SCN11A: variants seen among roughly 807,000 people sequenced by gnomAD.
The protein encoded by SCN11A is sodium voltage-gated channel alpha subunit 11.
SCN11A carries 122 observed loss-of-function variants against 162.2 expected under a neutral mutation model. The ratio of observed to expected loss-of-function variants is 0.75; its 90% CI spans 0.65 to 0.87. SCN11A has a LOEUF of 0.87. Among genes scored for constraint, SCN11A ranks in the 40% least tolerant of loss-of-function variants. The probability of loss-of-function intolerance (pLI) is 0.00; values close to 1 mark genes in which losing one functional copy is unlikely to be tolerated. For missense variants in SCN11A, 2,015 were observed against 2,181.6 expected (o/e 0.92, Z 1.52); for synonymous variants, 758 against 751.5 (o/e 1.01, Z -0.14).
chr3:38,904,306 G>A (rs746121132), intron 15 of SCN11A, among the ~76,000 whole-genome samples: 4 of 152,114 alleles, frequency 2.6e-5, no homozygotes, highest in Non-Finnish European at 5.9e-5. Context: ...ACTAGCATGC[G>A]GTACAGTCAA....
Position 38,886,233 on chromosome 3 carries a change from A to G in SCN11A, c.2841T>C (p.Tyr947=). The part of the protein sequence containing the change: ...ITQPEPEQQA[Y]ELHQENKKPT... ...GCTTCTTGTTCTCCTGATGGAGCTC[A>G]TAGGCCTAACACAGAGAGCCCAGAA... is the stretch of plus-strand genomic sequence containing the variant. The change falls in exon 20 of 30, where the codon TAT becomes TAC. Residue 947 remains tyrosine (Y), a synonymous_variant. Coordinates refer to ENST00000302328, the MANE Select transcript of SCN11A (RefSeq NM_001349253.2). 2 of 1,607,742 alleles carry G rather than the reference A, an allele frequency of 1.2e-6. No individual in the cohort carries two copies. Among genetic ancestry groups the G allele is most frequent in the Non-Finnish European group, 1.7e-6 (2 of 1,175,430 alleles).
chr3:38,912,214 A>G (rs752445837), intron 11 of SCN11A, among the ~76,000 whole-genome samples: 1 of 152,138 alleles, frequency 6.6e-6, no homozygotes, highest in African/African-American at 2.4e-5. Flanking sequence ...CTTGGTCACC[A>G]TTCAAAATAT....
intron 2 of SCN11A, among the ~76,000 whole-genome samples, chr3:38,991,135 A>C (rs1011541625): frequency 2.0e-5 from 3 of 152,184 alleles, no homozygotes; most frequent in Non-Finnish European, 2.9e-5. Flanking sequence ...AGTATTTTAT[A>C]CTTTCTAAAA....
At chr3:38,931,651 C>A (rs765364670) in intron 7 of SCN11A, among the ~76,000 whole-genome samples, 14 of 152,204 alleles carry the variant, frequency 9.2e-5, no homozygotes, top group Non-Finnish European at 1.6e-4. Context: ...AGCATCCAAC[C>A]TTGTTCACAT....
At chr3:38,985,578 G>A (rs575797344) in intron 2 of SCN11A, among the ~76,000 whole-genome samples, 1 of 151,104 alleles carries the variant, frequency 6.6e-6, no homozygotes, top group African/African-American at 2.5e-5. Flanking sequence ...ATAGATTTGT[G>A]AAACCATTTC....
At chr3:38,933,222 G>A (rs2066273783) in intron 7 of SCN11A, among the ~76,000 whole-genome samples, 2 of 152,262 alleles carry the variant, frequency 1.3e-5, no homozygotes, top group Non-Finnish European at 1.5e-5. Flanking sequence ...AAACCCATCT[G>A]TACATCACCA....
intron 2 of SCN11A, among the ~76,000 whole-genome samples, chr3:38,985,128 CTTT>C (rs1161269109): frequency 5.5e-5 from 7 of 126,308 alleles, no homozygotes; most frequent in Admixed American, 7.7e-5. Flanking sequence ...GGCTGGCTGT[CTTT>C]TTTTTTTTTT....
rs1559515759 is a variant in SCN11A, at chr3:38,897,024, T to C, written c.2224A>G (p.Thr742Ala). 1.2e-6 allele frequency: 2 copies of C among 1,614,114 alleles called. No homozygotes were observed. The highest frequency in any genetic ancestry group is 1.7e-6 in the Non-Finnish European group (2 of 1,180,012). Residue 742 changes from threonine (T) to alanine (A), a missense_variant, in exon 18 of 30, where the codon ACA becomes GCA. Thr to Ala is a moderately conservative substitution (Grantham distance 58). Coordinates refer to ENST00000302328, the MANE Select transcript of SCN11A (RefSeq NM_001349253.2). Reference sequence around the variant, plus strand: ...TGCCAGTGCCGTAAACATGAGACTGTCGGGCCTGTCGGGTTACAGAGTTTT... The same window carrying C: ...TGCCAGTGCCGTAAACATGAGACTGCCGGGCCTGTCGGGTTACAGAGTTTT... ...SPKLCNPTGPTVSCLRHWHMG... is the reference protein window; with the variant it reads ...SPKLCNPTGPAVSCLRHWHMG...
chr3:38,911,805 C>T (rs1470424618), intron 11 of SCN11A, among the ~76,000 whole-genome samples: 2 of 152,058 alleles, frequency 1.3e-5, no homozygotes, highest in African/African-American at 4.8e-5. Context: ...TCACAACAAG[C>T]TGCTTTTTGT....
At chr3:39,006,049 C>T (rs931685248) in intron 2 of SCN11A, among the ~76,000 whole-genome samples, 7 of 152,244 alleles carry the variant, frequency 4.6e-5, no homozygotes, top group African/African-American at 1.7e-4. Flanking sequence ...AATTTTCTCT[C>T]AGTACTTTGA....
chr3:38,915,317 A>G (rs2065944414), intron 11 of SCN11A, among the ~76,000 whole-genome samples: 1 of 151,592 alleles, frequency 6.6e-6, no homozygotes, highest in Non-Finnish European at 1.5e-5. Flanking sequence ...GTTATTTCTA[A>G]TTGTGTTTAT....
intron 11 of SCN11A, among the ~76,000 whole-genome samples, chr3:38,917,446 T>C (rs1353991957): frequency 6.6e-6 from 1 of 152,200 alleles, no homozygotes; most frequent in African/African-American, 2.4e-5. Flanking sequence ...TGGATAAAGC[T>C]AATGTGGTGC....
In SCN11A at chr3:38,885,501, A is replaced by G. The variant is rs1262232541; in HGVS notation, c.2950-99T>C. The G allele has an allele frequency of 5.7e-6, 4 of 703,628 alleles. No individual in the cohort carries two copies. The East Asian group carries it at 8.0e-5, about 14-fold the overall frequency. The allele number at this position is 703,628 out of a possible 1,614,324, so 43.6% of individuals were successfully genotyped here. ...CATTGTCTGATTTTTTAAGGATGAA[A>G]TGAACTAGGCAAAGGTTTCTAGGAT... is the stretch of plus-strand genomic sequence containing the variant. On this transcript the variant is annotated intron_variant, in intron 20 of 29. Transcript: ENST00000302328.
intron 1 of SCN11A, among the ~76,000 whole-genome samples, chr3:39,036,646 C>A (rs1451725983): frequency 6.9e-6 from 1 of 144,802 alleles, no homozygotes; most frequent in Non-Finnish European, 1.5e-5. Flanking sequence ...GGAACACAAA[C>A]AACTCTGTAA....
intron 7 of SCN11A, among the ~76,000 whole-genome samples, chr3:38,938,963 G>C (rs906288884): frequency 6.6e-6 from 1 of 152,002 alleles, no homozygotes; most frequent in Non-Finnish European, 1.5e-5. Context: ...GATCACTTGA[G>C]TCCAGGAGTT....
intron 21 of SCN11A, 92 bp downstream of exon 21, chr3:38,885,196 G>C: frequency 1.4e-6 from 1 of 735,226 alleles, no homozygotes; most frequent in Non-Finnish European, 2.4e-6. Flanking sequence ...GAAGTAGAAA[G>C]ATGATATCTA....
intron 4 of SCN11A, among the ~76,000 whole-genome samples, chr3:38,951,422 C>A (rs139813245): frequency 0.016 from 2,441 of 152,366 alleles, 69 homozygotes; most frequent in African/African-American, 0.056. Flanking sequence ...CCCGCCATGC[C>A]TGAGCCTCCC....
chr3:38,885,000 T>C (rs752444606), intron 21 of SCN11A, among the ~76,000 whole-genome samples: 10 of 152,194 alleles, frequency 6.6e-5, no homozygotes, highest in Admixed American at 1.3e-4. Context: ...CTGGGAACCA[T>C]AGAAAGTGGC....
intron 19 of SCN11A, among the ~76,000 whole-genome samples, chr3:38,887,454 G>A (rs1430122520): frequency 1.7e-5 from 2 of 119,402 alleles, no homozygotes; most frequent in Non-Finnish European, 3.4e-5. Flanking sequence ...GGGGAGGGGG[G>A]AGGGATAGCA....
Sources: gnomAD v4.1 joint callset for allele counts (sites outside exome capture counted in the v4.1 genomes callset) on GRCh38, gnomAD v4.1.1 for gene constraint, MANE v1.5 for transcripts, NCBI Gene and HGNC (gene_info 2026-07-23, HGNC 2026-07-21) for gene names.